Variants in RYR3 observed in about 807,000 individuals in gnomAD.
RYR3 encodes the protein ryanodine receptor 3, also known as brain ryanodine receptor-calcium release channel.
A neutral mutation model predicts 584.3 loss-of-function variants in RYR3; 207 were observed. That is an observed-to-expected ratio of 0.35 (90% CI 0.32 to 0.40). The LOEUF is 0.40. RYR3 is among the 10% of genes least tolerant of loss of function. The pLI is 1.00. For missense variants in RYR3, 5,616 were observed against 6,089.2 expected, an observed-to-expected ratio of 0.92 and a Z score of 2.59; for synonymous variants, 2,416 against 2,248.5, an observed-to-expected ratio of 1.07 and a Z score of -2.11.
At chr15:33,330,756 G>A (rs973462038) in intron 1 of RYR3, among the ~76,000 whole-genome samples, 2 of 152,158 alleles carry the variant, frequency 1.3e-5, no homozygotes, top group African/African-American at 4.8e-5. Flanking sequence ...CTGCTACTCA[G>A]AGGTACTCTA....
Position 33,748,102 on chromosome 15 carries a change from A to G in RYR3, c.7990-12A>G. ...TGTTCTGCAAAGTGCTTCTGCTCAA[A>G]TTCTCTTCTAGGAGAAGGAAATTTA... is the stretch of plus-strand genomic sequence containing the variant. On this transcript the variant is annotated splice_polypyrimidine_tract_variant and intron_variant, in intron 53 of 103. Transcript: ENST00000634891. The G allele has an allele frequency of 6.2e-7, 1 of 1,613,200 alleles. No individual in the cohort carries two copies. Among genetic ancestry groups the G allele is most frequent in the South Asian group, 1.1e-5 (1 of 91,036 alleles).
At chr15:33,554,710 A>G (rs2141287205) in intron 10 of RYR3, among the ~76,000 whole-genome samples, 1 of 152,338 alleles carries the variant, frequency 6.6e-6, no homozygotes, top group South Asian at 2.1e-4. Flanking sequence ...TGAACATCTA[A>G]GTCAAATTTC....
intron 77 of RYR3, among the ~76,000 whole-genome samples, chr15:33,820,325 C>T (rs2077040996): frequency 6.6e-6 from 1 of 152,190 alleles, no homozygotes. Context: ...TCTAGCTGTA[C>T]CACAGGGCCC....
intron 60 of RYR3, among the ~76,000 whole-genome samples, chr15:33,761,174 C>T (rs963356950): frequency 3.3e-5 from 5 of 152,096 alleles, no homozygotes; most frequent in Non-Finnish European, 7.4e-5. Flanking sequence ...GACACCCTAA[C>T]ATCACAACTA....
intron 10 of RYR3, among the ~76,000 whole-genome samples, chr15:33,553,246 A>ATG (rs1463226411): frequency 6.6e-6 from 1 of 152,174 alleles, no homozygotes; most frequent in Non-Finnish European, 1.5e-5. Flanking sequence ...GGCTTTAGTC[A>ATG]TGTGTTTTGG....
chr15:33,731,245 A>AT (rs1381660770), intron 47 of RYR3, among the ~76,000 whole-genome samples: 2 of 140,100 alleles, frequency 1.4e-5, no homozygotes, highest in Non-Finnish European at 3.1e-5. Context: ...CTTTGTTATG[A>AT]TTTTTTTGTG....
intron 20 of RYR3, among the ~76,000 whole-genome samples, chr15:33,624,646 C>T (rs751013467): frequency 2.8e-4 from 43 of 152,106 alleles, no homozygotes; most frequent in Non-Finnish European, 4.0e-4. Context: ...AATGGAATAG[C>T]GTGAAGGGCT....
intron 53 of RYR3, 136 bp downstream of exon 53, chr15:33,746,293 A>G (rs1596401697): frequency 7.2e-6 from 5 of 690,828 alleles, no homozygotes; most frequent in Non-Finnish European, 1.3e-5. Flanking sequence ...AACTGTTCAC[A>G]AGCTTGCCAG....
rs188419253 is a variant in RYR3 at position 33,390,723 on chromosome 15, C to T, written c.51+79627C>T. 3.9e-5 allele frequency among the ~76,000 whole-genome samples: 6 copies of T among 152,166 alleles called. No homozygotes were observed. Among genetic ancestry groups the T allele is most frequent in the South Asian group, 2.1e-4 (1 of 4,812 alleles). On this transcript the variant is annotated intron_variant, in intron 1 of 103. Transcript: ENST00000634891. The surrounding 1 kb of genome is among the most constrained non-coding windows in gnomAD (Gnocchi z 4.2). ...TTTGCACAAACAATGTGATTTATGCCGAACACCTGCTTAGTTCTGGGAATC... is the reference window on the plus strand; with the variant it reads ...TTTGCACAAACAATGTGATTTATGCTGAACACCTGCTTAGTTCTGGGAATC...
chr15:33,676,963 T>C (rs1280591343), intron 38 of RYR3, among the ~76,000 whole-genome samples: 2 of 152,202 alleles, frequency 1.3e-5, no homozygotes, highest in African/African-American at 4.8e-5. Flanking sequence ...AACACTTAAT[T>C]GAGTACCTCC....
At position 33,821,261 on chromosome 15, in the gene RYR3, T is replaced by TC. The variant is rs753142811; in HGVS notation, c.10816-3dup. The TC allele has an allele frequency of 3.2e-6, 5 of 1,562,514 alleles. No homozygotes were observed. Among genetic ancestry groups the TC allele is most frequent in the East Asian group, 4.7e-5 (2 of 42,624 alleles). ...ACCAATCTTTCCCTGTGATTTTTTT[T>TC]CCCCCCAGGAGAAAGAGATGGAGAA... On this transcript the variant is annotated splice_polypyrimidine_tract_variant and intron_variant, in intron 78 of 103. Coordinates refer to ENST00000634891, the MANE Select transcript of RYR3 (RefSeq NM_001036.6).
At chr15:33,721,374 C>T (rs182370890) in intron 43 of RYR3, among the ~76,000 whole-genome samples, 66 of 152,294 alleles carry the variant, frequency 4.3e-4, no homozygotes, top group Admixed American at 3.9e-4. Context: ...CCTAGCTTAG[C>T]GACTTCAAAA....
Position 33,662,421 on chromosome 15 carries a change from A to G in RYR3, c.4891A>G (p.Ile1631Val). The G allele has an allele frequency of 6.2e-7, 1 of 1,613,954 alleles. No homozygotes were observed. The highest frequency in any genetic ancestry group is 1.6e-4 in the Middle Eastern group (1 of 6,062). The change falls in exon 35 of 104, where the codon ATC (isoleucine) becomes GTC (valine). Residue 1631 changes from isoleucine (I) to valine (V), a missense_variant. Around this residue, in one of 9 missense-constraint regions of RYR3, gnomAD observed 753 missense variants for 741.0 expected, o/e 1.02. Coordinates refer to ENST00000634891, the MANE Select transcript of RYR3 (RefSeq NM_001036.6). ...RKLMMKNEYI[I>V]PITSTTRNIR... is the part of the protein sequence containing the mutation. ...GCTGATGATGAAGAACGAGTACATC[A>G]TCCCCATTACCAGCACCACCAGGAA...
chr15:33,855,017 T>A, intron 98 of RYR3, 105 bp downstream of exon 98: 1 of 1,176,970 alleles, frequency 8.5e-7, no homozygotes, highest in African/African-American at 1.6e-5. Flanking sequence ...TGTCTTGGTA[T>A]ATAATGTACT....
intron 1 of RYR3, among the ~76,000 whole-genome samples, chr15:33,438,984 T>C (rs994778284): frequency 6.6e-6 from 1 of 152,210 alleles, no homozygotes; most frequent in Non-Finnish European, 1.5e-5. Flanking sequence ...CCGATGCTGA[T>C]AAATGACCCA....
At chr15:33,534,041 A>C (rs1447978233) in intron 5 of RYR3, among the ~76,000 whole-genome samples, 1 of 152,262 alleles carries the variant, frequency 6.6e-6, no homozygotes, top group African/African-American at 2.4e-5. Context: ...AAATATTATA[A>C]CATGTTAATG....
chr15:33,515,823 A>G (rs773099675), intron 3 of RYR3, among the ~76,000 whole-genome samples: 7 of 152,172 alleles, frequency 4.6e-5, no homozygotes, highest in Non-Finnish European at 7.3e-5. Flanking sequence ...AAAATTCATC[A>G]ATGTGCACTT....
chr15:33,736,235 T>G lies in RYR3; in HGVS notation c.7425T>G (p.Asn2475Lys). Reference sequence around the variant, plus strand: ...CTACGTTTGTCATTTCATACTGCAGTCACTTGAGGCCTTCCATGTTACAGC... The same window carrying G: ...CTACGTTTGTCATTTCATACTGCAGGCACTTGAGGCCTTCCATGTTACAGC... ...TIEECLLAIC[N>K]HLRPSMLQQL... The change falls in exon 49 of 104, where the codon AAT (asparagine) becomes AAG (lysine). Residue 2475 changes from asparagine (N) to lysine (K), a missense_variant and splice_region_variant. Around this residue, in one of 9 missense-constraint regions of RYR3, gnomAD observed 1,280 missense variants for 1,426.2 expected, o/e 0.90. Coordinates refer to ENST00000634891, the MANE Select transcript of RYR3 (RefSeq NM_001036.6). 1 of 1,602,108 alleles carries G rather than the reference T, an allele frequency of 6.2e-7. No homozygotes were observed. The highest frequency in any genetic ancestry group is 8.5e-7 in the Non-Finnish European group (1 of 1,169,838).
At chr15:33,504,813 G>C (rs1005582327) in intron 3 of RYR3, among the ~76,000 whole-genome samples, 2 of 152,116 alleles carry the variant, frequency 1.3e-5, no homozygotes, top group African/African-American at 4.8e-5. Flanking sequence ...TTTTGCCTCT[G>C]ATCCTGCATA....
Sources: gnomAD v4.1 joint callset for allele counts (sites outside exome capture counted in the v4.1 genomes callset) on GRCh38, gnomAD v4.1.1 for gene constraint, gnomAD v4.1.1 regional missense constraint, Gnocchi (gnomAD v3.1) non-coding constraint, MANE v1.5 for transcripts, NCBI Gene and HGNC (gene_info 2026-07-23, HGNC 2026-07-21) for gene names.